The following CDC42SE2 variants were observed in gnomAD, a reference collection of about 807,000 sequenced individuals.
The protein encoded by CDC42SE2 is CDC42 small effector protein 2.
CDC42SE2 carries 3 observed loss-of-function variants against 11.5 expected under a neutral mutation model. The ratio of observed to expected loss-of-function variants is 0.26; its 90% CI spans 0.12 to 0.67. CDC42SE2 has a LOEUF of 0.67. Among genes scored for constraint, CDC42SE2 ranks in the 30% least tolerant of loss-of-function variants. The pLI, the probability that CDC42SE2 is intolerant of heterozygous loss-of-function variation, is 0.80. For synonymous variants in CDC42SE2, 33 were observed against 34.8 expected, an observed-to-expected ratio of 0.95 and a Z score of 0.18; for missense variants, 82 against 106.8, an observed-to-expected ratio of 0.77 and a Z score of 1.02.
intron 1 of CDC42SE2, among the ~76,000 whole-genome samples, chr5:131,310,764 A>G (rs1259940343): frequency 6.6e-6 from 1 of 151,614 alleles, no homozygotes; most frequent in African/African-American, 2.4e-5. Context: ...TAGGATTGCA[A>G]CCCCTGCCTT....
intron 1 of CDC42SE2, among the ~76,000 whole-genome samples, chr5:131,314,565 TCTATAGA>T: frequency 6.6e-6 from 1 of 152,206 alleles, no homozygotes; most frequent in Admixed American, 6.5e-5. Flanking sequence ...GTACAAGTGT[TCTATAGA>T]AATAGAATTG....
upstream of CDC42SE2, among the ~76,000 whole-genome samples, chr5:131,242,687 G>A (rs1433475181): frequency 6.6e-6 from 1 of 152,078 alleles, no homozygotes; most frequent in Non-Finnish European, 1.5e-5. Context: ...ATTTTTTAAC[G>A]TAACCAAAAA....
chr5:131,217,635 G>T, the CDC42SE2 span, among the ~76,000 whole-genome samples: 1 of 152,172 alleles, frequency 6.6e-6, no homozygotes, highest in South Asian at 2.1e-4. Context: ...GAAAACATGG[G>T]AAAATATCTT....
chr5:131,313,534 A>G (rs1580748430), intron 1 of CDC42SE2, among the ~76,000 whole-genome samples: 2 of 152,236 alleles, frequency 1.3e-5, no homozygotes, highest in African/African-American at 2.4e-5. Context: ...GGCATGCGGT[A>G]TGAATATTCA....
At chr5:131,377,428 C>G (rs1750189791) in intron 3 of CDC42SE2, among the ~76,000 whole-genome samples, 1 of 152,176 alleles carries the variant, frequency 6.6e-6, no homozygotes, top group South Asian at 2.1e-4. Flanking sequence ...CTCAGCCTCC[C>G]AAAGTGCTAG....
At chr5:131,378,032 A>G (rs570584300) in intron 3 of CDC42SE2, among the ~76,000 whole-genome samples, 1 of 152,322 alleles carries the variant, frequency 6.6e-6, no homozygotes, top group South Asian at 2.1e-4. Flanking sequence ...GTAGTGTAGG[A>G]AAATCAAACT....
chr5:131,319,467 CAG>C (rs1758115081), intron 2 of CDC42SE2, among the ~76,000 whole-genome samples: 1 of 152,134 alleles, frequency 6.6e-6, no homozygotes, highest in Non-Finnish European at 1.5e-5. Context: ...CCCCCATAGA[CAG>C]AGCTTGCACT....
At chr5:131,235,453 C>A in the CDC42SE2 span, among the ~76,000 whole-genome samples, 678 of 151,660 alleles carry the variant, frequency 4.5e-3, 9 homozygotes, top group African/African-American at 0.016. Context: ...CCACACCCAG[C>A]TAATTTTTGT....
chr5:131,345,112 A>G (rs1289074084), intron 2 of CDC42SE2, among the ~76,000 whole-genome samples: 1 of 152,178 alleles, frequency 6.6e-6, no homozygotes, highest in Non-Finnish European at 1.5e-5. Context: ...AAGGAATGCA[A>G]CTCCTTGCCA....
At position 131,337,310 on chromosome 5, in the gene CDC42SE2, C is replaced by G. The variant is rs1005124144; in HGVS notation, c.-286+21166C>G. On this transcript the variant is annotated intron_variant, in intron 2 of 4. Transcript: ENST00000505065. ...TATTATTGAACCGCAAATGCTGCTG[C>G]CTGATCGTTCGTCTGGAAGTTTTGT... Among the ~76,000 whole-genome samples, 107 of 152,244 alleles carry G rather than the reference C, an allele frequency of 7.0e-4. 1 individual carries two copies. The highest frequency in any genetic ancestry group is 2.4e-3 in the African/African-American group (99 of 41,552).
chr5:131,327,736 GTGTTAA>G (rs1039900296), intron 2 of CDC42SE2, among the ~76,000 whole-genome samples: 5 of 152,234 alleles, frequency 3.3e-5, no homozygotes, highest in African/African-American at 1.2e-4. Context: ...ATCTCATTTA[GTGTTAA>G]TGTTTATAGA....
intron 1 of CDC42SE2, among the ~76,000 whole-genome samples, chr5:131,314,738 A>T (rs959227842): frequency 1.3e-5 from 2 of 152,150 alleles, no homozygotes; most frequent in African/African-American, 4.8e-5. Context: ...GAAATGTGTA[A>T]GTTTATAAAA....
intron 1 of CDC42SE2, among the ~76,000 whole-genome samples, chr5:131,246,805 G>A (rs979911958): frequency 1.4e-5 from 2 of 143,576 alleles, no homozygotes; most frequent in East Asian, 2.0e-4. Context: ...GTGCAATGGC[G>A]TGATCTCAGC....
At chr5:131,246,494 C>T (rs1756584447) in intron 1 of CDC42SE2, among the ~76,000 whole-genome samples, 1 of 152,080 alleles carries the variant, frequency 6.6e-6, no homozygotes, top group South Asian at 2.1e-4. Flanking sequence ...ATCACAGACA[C>T]AATTTTTGTG....
intron 1 of CDC42SE2, among the ~76,000 whole-genome samples, chr5:131,288,024 G>A (rs1172835889): frequency 1.3e-5 from 2 of 151,974 alleles, no homozygotes; most frequent in Non-Finnish European, 2.9e-5. Flanking sequence ...CAGGTGGATC[G>A]CATGAGCCCA....
At chr5:131,241,215 G>T (rs552258446), upstream of CDC42SE2, among the ~76,000 whole-genome samples, 29 of 152,032 alleles carry the variant, frequency 1.9e-4, no homozygotes, top group African/African-American at 6.8e-4. Context: ...CCTGACCTCG[G>T]CCTCCCAAAG....
At chr5:131,333,628 C>G (rs1156744071) in intron 2 of CDC42SE2, among the ~76,000 whole-genome samples, 4 of 152,046 alleles carry the variant, frequency 2.6e-5, no homozygotes, top group African/African-American at 9.7e-5. Flanking sequence ...TTGTTTGTAT[C>G]CTCTTTTATT....
chr5:131,368,438 G>T (rs1749925862), intron 3 of CDC42SE2, among the ~76,000 whole-genome samples: 1 of 152,032 alleles, frequency 6.6e-6, no homozygotes, highest in Admixed American at 6.6e-5. Context: ...TGATATCTGG[G>T]AGGGCAGATC....
rs1310123530 is a variant in CDC42SE2 at position 131,392,976 on chromosome 5, C to G, written c.*1885C>G. ...CCTGTACGAAGCCTTTGCTCAGGTT[C>G]TAAAATATGTTTGTCCTTGCACGAA... On this transcript the variant is annotated 3_prime_UTR_variant, in exon 5 of 5. Coordinates refer to ENST00000505065, the MANE Select transcript of CDC42SE2 (RefSeq NM_001375635.1). 1 of 152,330 alleles carries G rather than the reference C, an allele frequency of 6.6e-6. No individual in the cohort carries two copies. Among genetic ancestry groups the G allele is most frequent in the Non-Finnish European group, 1.5e-5 (1 of 68,030 alleles). The allele number at this position is 152,330 out of a possible 1,614,324, so 9.4% of individuals were successfully genotyped here.
Sources: gnomAD v4.1 joint callset for allele counts (sites outside exome capture counted in the v4.1 genomes callset) on GRCh38, gnomAD v4.1.1 for gene constraint, MANE v1.5 for transcripts, NCBI Gene and HGNC (gene_info 2026-07-23, HGNC 2026-07-21) for gene names.